FCMR: variants seen among roughly 807,000 people sequenced by gnomAD.
The protein encoded by FCMR is Fc mu receptor, also known as immunoglobulin mu Fc receptor.
A neutral mutation model predicts 41.6 loss-of-function variants in FCMR; 34 were observed. The observed-to-expected ratio is 0.82, with a 90% CI of 0.62 to 1.09. FCMR has a LOEUF of 1.09. FCMR is among the 50% of genes least tolerant of loss of function. The probability of loss-of-function intolerance (pLI) is 0.00; values close to 1 mark genes in which losing one functional copy is unlikely to be tolerated. For missense variants in FCMR, 496 were observed against 512.5 expected (o/e 0.97, Z 0.31); for synonymous variants, 209 against 211.8 (o/e 0.99, Z 0.12).
intron 7 of FCMR, chr1:206,907,567 G>C: frequency 1.7e-6 from 1 of 589,972 alleles, no homozygotes; most frequent in Non-Finnish European, 3.2e-6. Flanking sequence ...CATTAGCTTA[G>C]TCTACATGCG....
At chr1:206,907,884 C>T (rs1678741479) in intron 7 of FCMR, 3 of 1,292,142 alleles carry the variant, frequency 2.3e-6, no homozygotes, top group Admixed American at 1.7e-5. Flanking sequence ...GCTTGCTGCC[C>T]CAAGAGACCA....
chr1:206,908,419 T>C (rs1678774753), intron 7 of FCMR, among the ~76,000 whole-genome samples: 1 of 152,164 alleles, frequency 6.6e-6, no homozygotes, highest in African/African-American at 2.4e-5. Context: ...ACTCAGGGAA[T>C]TGTGCAGGTG....
In FCMR at chr1:206,914,103, AGAG is replaced by A. The variant is rs751709635; in HGVS notation, c.38-12_38-10del. The A allele has an allele frequency of 5.0e-6, 8 of 1,601,702 alleles. No individual in the cohort carries two copies. The Admixed American group carries it at 1.3e-4, about 27-fold the overall frequency. On this transcript the variant is annotated splice_polypyrimidine_tract_variant and intron_variant, in intron 1 of 7. Transcript: ENST00000367091. ...CCTCAGGGCCCCCGATACTGCAGGG[AGAG>A]GAGATTAATGCAGAGGGAGCCCCAT...
rs1039464170 is a variant in FCMR at position 206,909,569 on chromosome 1, C to T, written c.986-49G>A. On this transcript the variant is annotated intron_variant, in intron 6 of 7. Transcript: ENST00000367091. The surrounding 1 kb of genome is among the most constrained non-coding windows in gnomAD (Gnocchi z 5.0). ...GAGGCGGCGGCCGAGGCTCCCGCCCCACCGTCATGCTACTACTCCCAGCTC... is the reference window on the plus strand; with the variant it reads ...GAGGCGGCGGCCGAGGCTCCCGCCCTACCGTCATGCTACTACTCCCAGCTC... 7.8e-7 allele frequency: 1 copy of T among 1,289,994 alleles called. No individual in the cohort carries two copies. The highest frequency in any genetic ancestry group is 9.9e-7 in the Non-Finnish European group (1 of 1,008,826). The allele number at this position is 1,289,994 out of a possible 1,614,324, so 79.9% of individuals were successfully genotyped here.
chr1:206,913,966 C>T lies in FCMR; in HGVS notation c.166G>A (p.Gly56Arg). ...GTGGATACCACGGTACCACATGTTC[C>T]AGATCCAGCCATCTCCCGGCACAGA... ...IYLCREMAGS[G>R]TCGTVVSTTN... Residue 56 changes from glycine to arginine, a missense_variant, in exon 2 of 8, where the codon GGA (glycine) becomes AGA (arginine). Gly to Arg is a moderately radical substitution (Grantham distance 125). Coordinates refer to ENST00000367091, the MANE Select transcript of FCMR (RefSeq NM_005449.5). 1 of 1,614,224 alleles carries T rather than the reference C, an allele frequency of 6.2e-7. No individual in the cohort carries two copies.
chr1:206,913,099 T>A, intron 2 of FCMR, 57 bp from the exon 3 acceptor site: 1 of 1,371,060 alleles, frequency 7.3e-7, no homozygotes. Context: ...GAGGCTTGGG[T>A]GTAAACTGAA....
upstream of FCMR, among the ~76,000 whole-genome samples, chr1:206,922,169 T>C (rs1430086063): frequency 6.6e-6 from 1 of 152,224 alleles, no homozygotes; most frequent in Non-Finnish European, 1.5e-5. Flanking sequence ...AGGCCTGATA[T>C]TCCTTTGTCT....
chr1:206,914,977 T>A (rs186779117), intron 1 of FCMR, among the ~76,000 whole-genome samples: 1 of 152,210 alleles, frequency 6.6e-6, no homozygotes. Context: ...CCAAACAGCA[T>A]AGAGCCCCCA....
In FCMR at chr1:206,910,315, C is replaced by A. The variant is rs754241381; in HGVS notation, c.736G>T (p.Gly246Trp). The A allele has an allele frequency of 6.4e-7, 1 of 1,571,058 alleles. No individual in the cohort carries two copies. ...QRALDYGSQS[G>W]REGQGFHILI... is the part of the protein sequence containing the mutation. ...ATGTGAAATCCTTGGCCTTCCCTCCCAGACTGTGAGCCATAGTCCAGTGCT... is the reference window on the plus strand; with the variant it reads ...ATGTGAAATCCTTGGCCTTCCCTCCAAGACTGTGAGCCATAGTCCAGTGCT... The change falls in exon 5 of 8, where the codon GGG becomes TGG. Residue 246 changes from glycine to tryptophan, a missense_variant. Gly to Trp is a radical substitution (Grantham distance 184). Transcript: ENST00000367091.
chr1:206,913,185 T>G (rs1032006499), intron 2 of FCMR, 143 bp from the exon 3 acceptor site: 1 of 672,096 alleles, frequency 1.5e-6, no homozygotes, highest in South Asian at 1.7e-5. Flanking sequence ...AGGAGCTGGG[T>G]TGGGGGCTTC....
intron 1 of FCMR, among the ~76,000 whole-genome samples, chr1:206,915,319 G>C (rs1679143894): frequency 6.6e-6 from 1 of 152,134 alleles, no homozygotes; most frequent in African/African-American, 2.4e-5. Flanking sequence ...GGTCGGAGGA[G>C]GGCTTTCTGG....
chr1:206,907,975 G>A (rs1678747574), intron 7 of FCMR: 7 of 1,449,262 alleles, frequency 4.8e-6, no homozygotes, highest in Non-Finnish European at 6.8e-6. Flanking sequence ...GCGGATGGTG[G>A]TTCCTGCTGC....
chr1:206,919,735 C>A (rs1243431935), intron 1 of FCMR, among the ~76,000 whole-genome samples: 1 of 152,142 alleles, frequency 6.6e-6, no homozygotes, highest in Non-Finnish European at 1.5e-5. Flanking sequence ...AATGAGGGTA[C>A]TTCTCAGGAC....
Position 206,920,756 on chromosome 1 carries a change from G to A in FCMR, c.37+1062C>T, listed in dbSNP as rs77199286. 2.0e-5 allele frequency among the ~76,000 whole-genome samples: 3 copies of A among 152,330 alleles called. No homozygotes were observed. In the East Asian group the frequency reaches 5.8e-4, roughly 29 times the overall value. ...GGCACTGCAGGCATCCTGAGTTAGAGGAAGTGGGAAAGATAGTTAAGAGGG... is the reference window on the plus strand; with the variant it reads ...GGCACTGCAGGCATCCTGAGTTAGAAGAAGTGGGAAAGATAGTTAAGAGGG... On this transcript the variant is annotated intron_variant, in intron 1 of 7. Coordinates refer to ENST00000367091, the MANE Select transcript of FCMR (RefSeq NM_005449.5).
chr1:206,910,492 T>G, intron 4 of FCMR, 152 bp from the exon 5 acceptor site: 1 of 547,194 alleles, frequency 1.8e-6, no homozygotes. Context: ...TCAAAAAGAC[T>G]TGCCTATGGA....
rs572753408 is a variant in FCMR, at chr1:206,909,266, G to A, written c.1044+196C>T. ...GGAACCAGGTCTTCTACAGTTCCCG[G>A]TATTCAACCTCCTGACACCAAACAA... is the stretch of plus-strand genomic sequence containing the variant. On this transcript the variant is annotated intron_variant, in intron 7 of 7. Coordinates refer to ENST00000367091, the MANE Select transcript of FCMR (RefSeq NM_005449.5). This position sits in a 1 kb window ranked among gnomAD's most constrained non-coding sequence, Gnocchi z 5.0. Among the ~76,000 whole-genome samples the A allele has an allele frequency of 6.6e-6, 1 of 152,330 alleles. No homozygotes were observed. The highest frequency in any genetic ancestry group is 2.1e-4 in the South Asian group (1 of 4,834).
chr1:206,913,631 T>A, intron 2 of FCMR, 128 bp downstream of exon 2: 1 of 714,572 alleles, frequency 1.4e-6, no homozygotes, highest in Non-Finnish European at 2.4e-6. Context: ...TGGATCTCAA[T>A]CATTATGTGG....
chr1:206,921,591 C>T (rs1164915576), intron 1 of FCMR, among the ~76,000 whole-genome samples: 4 of 152,154 alleles, frequency 2.6e-5, no homozygotes, highest in Admixed American at 2.6e-4. Flanking sequence ...ATAGAGTTAA[C>T]ACCTGACTGA....
At chr1:206,907,724 G>A (rs1678732867) in intron 7 of FCMR, 4 of 953,368 alleles carry the variant, frequency 4.2e-6, no homozygotes, top group South Asian at 1.3e-5. Context: ...GGTGGTTGTC[G>A]TACGCTGGGA....
Sources: allele counts gnomAD v4.1 joint callset (sites outside exome capture counted in the v4.1 genomes callset), GRCh38; gene constraint gnomAD v4.1.1; non-coding constraint Gnocchi (gnomAD v3.1); transcripts MANE v1.5; gene names NCBI Gene and HGNC (gene_info 2026-07-23, HGNC 2026-07-21).